The following NTRK3 variants were observed in gnomAD, a reference collection of about 807,000 sequenced individuals.
NTRK3 encodes the protein neurotrophic receptor tyrosine kinase 3, also known as NT-3 growth factor receptor.
In NTRK3, 24 loss-of-function variants were observed where a neutral mutation model predicts 91.7. That is an observed-to-expected ratio of 0.26 (90% CI 0.19 to 0.37). The LOEUF (loss-of-function observed/expected upper bound fraction) is 0.37. Among genes scored for constraint, NTRK3 ranks in the 10% least tolerant of loss-of-function variants. NTRK3 has a pLI of 1.00. For missense variants in NTRK3, 880 were observed against 1,068.9 expected (o/e 0.82, Z 2.46); for synonymous variants, 483 against 404.0 (o/e 1.20, Z -2.34).
At chr15:88,108,739 C>A (rs189274516) in intron 13 of NTRK3, among the ~76,000 whole-genome samples, 1 of 152,374 alleles carries the variant, frequency 6.6e-6, no homozygotes, top group Admixed American at 6.5e-5. Context: ...GTCTCCCTCA[C>A]TTGGAAGCTA....
intron 3 of NTRK3, among the ~76,000 whole-genome samples, chr15:88,194,648 T>A (rs1390766139): frequency 1.3e-5 from 2 of 152,162 alleles, no homozygotes; most frequent in Non-Finnish European, 2.9e-5. Context: ...AAATCTGTCC[T>A]CCACACAGAA....
chr15:88,112,489 G>T (rs1270860106), intron 13 of NTRK3, among the ~76,000 whole-genome samples: 1 of 151,922 alleles, frequency 6.6e-6, no homozygotes, highest in East Asian at 1.9e-4. Flanking sequence ...AGGCTGGGGT[G>T]GGGAGAAGAC....
At chr15:88,086,141 T>G (rs1250051965) in intron 13 of NTRK3, among the ~76,000 whole-genome samples, 1 of 152,234 alleles carries the variant, frequency 6.6e-6, no homozygotes, top group Admixed American at 6.5e-5. Context: ...GAGAGGACTC[T>G]GCCAAGAAAC....
At chr15:88,060,167 G>T (rs2046083392) in intron 13 of NTRK3, among the ~76,000 whole-genome samples, 1 of 152,044 alleles carries the variant, frequency 6.6e-6, no homozygotes, top group South Asian at 2.1e-4. Flanking sequence ...GATTACTTGA[G>T]GTCAGGAGTT....
exon 19 of NTRK3, chr15:87,874,219 T>TC: frequency 4.5e-6 from 1 of 223,812 alleles, no homozygotes; most frequent in Non-Finnish European, 8.9e-6. Context: ...TCTTTTTTTT[T>TC]TAATCTGCCA....
intron 3 of NTRK3, among the ~76,000 whole-genome samples, chr15:88,228,734 G>A (rs555237098): frequency 6.6e-6 from 1 of 152,170 alleles, no homozygotes; most frequent in African/African-American, 2.4e-5. Flanking sequence ...CAGTAACAGA[G>A]GGGAACTGGA....
chr15:87,958,596 G>T (rs763343138), intron 14 of NTRK3, among the ~76,000 whole-genome samples: 3 of 151,866 alleles, frequency 2.0e-5, no homozygotes, highest in African/African-American at 4.8e-5. Flanking sequence ...AGTTTTCCTT[G>T]ATGACTCTTT....
chr15:88,001,118 C>T (rs991584670), intron 14 of NTRK3, among the ~76,000 whole-genome samples: 2 of 152,040 alleles, frequency 1.3e-5, no homozygotes, highest in African/African-American at 2.4e-5. Flanking sequence ...GCAACTTTTC[C>T]TGTGCTTATT....
intron 3 of NTRK3, among the ~76,000 whole-genome samples, chr15:88,192,715 A>C (rs751809794): frequency 5.9e-5 from 9 of 152,046 alleles, no homozygotes; most frequent in Non-Finnish European, 8.8e-5. Context: ...CTCCAGTCAC[A>C]CTGTCCTGCT....
chr15:87,967,016 C>T (rs1336862949), intron 14 of NTRK3, among the ~76,000 whole-genome samples: 1 of 152,186 alleles, frequency 6.6e-6, no homozygotes, highest in African/African-American at 2.4e-5. Context: ...CAAGATCACC[C>T]CCAATTGAAA....
intron 6 of NTRK3, among the ~76,000 whole-genome samples, chr15:88,139,717 G>A (rs2042202483): frequency 1.3e-5 from 2 of 152,084 alleles, no homozygotes; most frequent in South Asian, 4.2e-4. Context: ...ATGTTTGGAG[G>A]GGTTAAGTCA....
At chr15:87,870,878 C>A (rs1404405078) in exon 19 of NTRK3, 3 of 227,348 alleles carry the variant, frequency 1.3e-5, no homozygotes, top group Non-Finnish European at 2.6e-5. Flanking sequence ...GTATCCCCTG[C>A]AAGCTATGAA....
chr15:88,089,763 C>G (rs1417551418), intron 13 of NTRK3, among the ~76,000 whole-genome samples: 2 of 152,148 alleles, frequency 1.3e-5, no homozygotes, highest in East Asian at 1.9e-4. Context: ...ACCCTGGCCC[C>G]CTGTGGCTCA....
At chr15:87,881,733 C>CT (rs1208597046) in intron 17 of NTRK3, among the ~76,000 whole-genome samples, 1 of 151,840 alleles carries the variant, frequency 6.6e-6, no homozygotes, top group Non-Finnish European at 1.5e-5. Flanking sequence ...GTTCTTATTT[C>CT]TATGGGGGGT....
rs568530531 is a variant in NTRK3 at position 87,860,990 on chromosome 15, A to G, written c.*15945T>C. 1.5e-4 allele frequency: 33 copies of G among 225,424 alleles called. No homozygotes were observed. The South Asian group carries it at 5.7e-3, about 39-fold the overall frequency. 14.0% of individuals were successfully genotyped at this position (225,424 alleles called of 1,614,324 possible). On this transcript the variant is annotated 3_prime_UTR_variant, in exon 19 of 19. Coordinates refer to ENST00000394480, the Ensembl canonical transcript of NTRK3. ...TTAAACTTTCCTTAATTCAAGCCAC[A>G]CTGTTGTTGTTGCTGCTGTTTTTTC...
At chr15:88,090,866 C>T (rs1676242951) in intron 13 of NTRK3, among the ~76,000 whole-genome samples, 1 of 152,174 alleles carries the variant, frequency 6.6e-6, no homozygotes, top group Admixed American at 6.5e-5. Flanking sequence ...AAAAAAAGCA[C>T]GGTTTCCAGG....
At chr15:88,222,094 T>C (rs1408953700) in intron 3 of NTRK3, among the ~76,000 whole-genome samples, 1 of 152,210 alleles carries the variant, frequency 6.6e-6, no homozygotes, top group Non-Finnish European at 1.5e-5. Context: ...TTGCAGCCCA[T>C]GTTGGGTGAG....
chr15:88,113,315 T>C (rs1011722476), intron 13 of NTRK3, among the ~76,000 whole-genome samples: 13 of 87,138 alleles, frequency 1.5e-4, no homozygotes, highest in African/African-American at 5.4e-4. Flanking sequence ...CAATTTCTTT[T>C]TTTTTTTTTT....
At chr15:88,019,404 G>A (rs2077453517) in intron 14 of NTRK3, among the ~76,000 whole-genome samples, 1 of 152,168 alleles carries the variant, frequency 6.6e-6, no homozygotes, top group Non-Finnish European at 1.5e-5. Flanking sequence ...GTGATTCTAT[G>A]GAGACATATG....
Sources: gnomAD v4.1 joint callset for allele counts (sites outside exome capture counted in the v4.1 genomes callset) on GRCh38, gnomAD v4.1.1 for gene constraint, MANE v1.5 for transcripts, NCBI Gene and HGNC (gene_info 2026-07-23, HGNC 2026-07-21) for gene names.